The following DTNBP1 variants were observed in gnomAD, a reference collection of about 807,000 sequenced individuals.
DTNBP1 encodes the protein dystrobrevin binding protein 1, also known as dysbindin.
DTNBP1 carries 35 observed loss-of-function variants against 42.8 expected under a neutral mutation model. The ratio of observed to expected loss-of-function variants is 0.82; its 90% CI spans 0.63 to 1.09. The LOEUF (loss-of-function observed/expected upper bound fraction) is 1.09. Ranked by LOEUF, DTNBP1 falls within the 50% of genes least tolerant of loss-of-function variation. The probability of loss-of-function intolerance (pLI) is 0.00; values close to 1 mark genes in which losing one functional copy is unlikely to be tolerated. For missense variants in DTNBP1, 457 were observed against 424.2 expected (o/e 1.08, Z -0.68); for synonymous variants, 171 against 162.2 (o/e 1.05, Z -0.41).
In DTNBP1 at chr6:15,539,317, T is replaced by C. The variant is rs114312114; in HGVS notation, c.512-5922A>G. 4.2e-3 allele frequency among the ~76,000 whole-genome samples: 647 copies of C among 152,346 alleles called. 9 individuals carry two copies. Among genetic ancestry groups the C allele is most frequent in the African/African-American group, 0.015 (624 of 41,580 alleles). On this transcript the variant is annotated intron_variant, in intron 7 of 9. Transcript: ENST00000344537. ...CCATTTCCTGCTACCTCATCCCACA[T>C]GTGTTTACGTGAAGACGGTCTGCCA...
At chr6:15,624,097 T>C (rs1301949732) in intron 5 of DTNBP1, among the ~76,000 whole-genome samples, 1 of 152,244 alleles carries the variant, frequency 6.6e-6, no homozygotes, top group Non-Finnish European at 1.5e-5. Context: ...GCGTGGTGCG[T>C]GGCAGATGCC....
chr6:15,543,500 T>C (rs920878455), intron 7 of DTNBP1, among the ~76,000 whole-genome samples: 1 of 152,182 alleles, frequency 6.6e-6, no homozygotes, highest in African/African-American at 2.4e-5. Flanking sequence ...CTCCCTCAGG[T>C]TCCCCTTGCA....
Position 15,533,235 on chromosome 6 carries a change from C to A in DTNBP1, c.667+5G>T, listed in dbSNP as rs370724534. 1.9e-6 allele frequency: 3 copies of A among 1,613,462 alleles called. No homozygotes were observed. The highest frequency in any genetic ancestry group is 2.5e-6 in the Non-Finnish European group (3 of 1,180,030). On this transcript the variant is annotated splice_donor_5th_base_variant and intron_variant, in intron 8 of 9. Coordinates refer to ENST00000344537, the MANE Select transcript of DTNBP1 (RefSeq NM_032122.5). ...CCCACACCAGCAGCCCCAGCCCCCACTCGCCTCGCCGCTCTGCAATCTGCA... is the reference window on the plus strand; with the variant it reads ...CCCACACCAGCAGCCCCAGCCCCCAATCGCCTCGCCGCTCTGCAATCTGCA...
intron 7 of DTNBP1, among the ~76,000 whole-genome samples, chr6:15,554,213 CTT>C (rs1466485018): frequency 3.9e-5 from 6 of 152,248 alleles, no homozygotes; most frequent in South Asian, 4.1e-4. Context: ...TCACATAAAA[CTT>C]ATATTAAATT....
chr6:15,570,147 T>C (rs747299060), intron 7 of DTNBP1, among the ~76,000 whole-genome samples: 44 of 151,842 alleles, frequency 2.9e-4, no homozygotes, highest in Non-Finnish European at 2.1e-4. Context: ...CCAAATTCTA[T>C]GATTTACTTT....
At chr6:15,608,443 C>G (rs1020095493) in intron 6 of DTNBP1, among the ~76,000 whole-genome samples, 1 of 152,208 alleles carries the variant, frequency 6.6e-6, no homozygotes, top group African/African-American at 2.4e-5. Context: ...CTTGGAAACA[C>G]TACTTAGAAT....
chr6:15,642,791 G>A (rs914327041), intron 3 of DTNBP1, among the ~76,000 whole-genome samples: 5 of 152,038 alleles, frequency 3.3e-5, no homozygotes, highest in Middle Eastern at 3.2e-3. Context: ...ATATACCACA[G>A]CCATACCCTT....
chr6:15,612,572 C>G (rs1352099404), intron 6 of DTNBP1, among the ~76,000 whole-genome samples: 1 of 152,188 alleles, frequency 6.6e-6, no homozygotes, highest in African/African-American at 2.4e-5. Flanking sequence ...TATAGCTGCA[C>G]AAGTAATAAT....
intron 7 of DTNBP1, among the ~76,000 whole-genome samples, chr6:15,548,730 A>C (rs960379299): frequency 6.6e-6 from 1 of 152,212 alleles, no homozygotes; most frequent in African/African-American, 2.4e-5. Flanking sequence ...TCATATAAAG[A>C]AATTTTGACA....
intron 7 of DTNBP1, among the ~76,000 whole-genome samples, chr6:15,558,970 T>C (rs1426566603): frequency 6.6e-6 from 1 of 152,244 alleles, no homozygotes; most frequent in East Asian, 1.9e-4. Flanking sequence ...CTACTTGCTG[T>C]TTATCTTTAT....
At chr6:15,582,342 T>A (rs1010393196) in intron 7 of DTNBP1, among the ~76,000 whole-genome samples, 4 of 152,188 alleles carry the variant, frequency 2.6e-5, no homozygotes, top group African/African-American at 9.7e-5. Flanking sequence ...CTGGGTGACT[T>A]GTTTAACTCT....
At chr6:15,560,231 A>T (rs1178853867) in intron 7 of DTNBP1, among the ~76,000 whole-genome samples, 1 of 152,096 alleles carries the variant, frequency 6.6e-6, no homozygotes, top group Non-Finnish European at 1.5e-5. Context: ...GCGTGAACCC[A>T]GGAAGTGGAG....
chr6:15,623,009 CTG>C (rs1264969427), intron 5 of DTNBP1, among the ~76,000 whole-genome samples: 1 of 152,194 alleles, frequency 6.6e-6, no homozygotes, highest in Non-Finnish European at 1.5e-5. Flanking sequence ...GACCACAAGA[CTG>C]TTCAAATGCT....
At chr6:15,554,964 G>A (rs550300397) in intron 7 of DTNBP1, among the ~76,000 whole-genome samples, 1 of 151,966 alleles carries the variant, frequency 6.6e-6, no homozygotes, top group East Asian at 1.9e-4. Flanking sequence ...TGAAATCAGC[G>A]GTGGAGTCTT....
chr6:15,549,417 G>A (rs942479205), intron 7 of DTNBP1, among the ~76,000 whole-genome samples: 12 of 150,994 alleles, frequency 7.9e-5, no homozygotes, highest in African/African-American at 2.7e-4. Flanking sequence ...CCCAGGAGGC[G>A]GAGGCTGCAG....
rs749331509 is a variant in DTNBP1 at position 15,558,270 on chromosome 6, ACT to A, written c.512-24877_512-24876del. 7.6e-3 allele frequency among the ~76,000 whole-genome samples: 1,084 copies of A among 143,414 alleles called. 4 individuals are homozygous for A. The highest frequency in any genetic ancestry group is 0.012 in the Non-Finnish European group (797 of 66,456). 94.1% of individuals were successfully genotyped at this position (143,414 alleles called of 152,430 possible). The stretch of plus-strand genomic sequence containing the variant: ...AATCAACTATAAGATTCTGATGAGT[ACT>A]CTTTTTTTTTTTTTTTTGAGACGGA... On this transcript the variant is annotated intron_variant, in intron 7 of 9. Transcript: ENST00000344537.
intron 7 of DTNBP1, among the ~76,000 whole-genome samples, chr6:15,562,669 C>T (rs926658048): frequency 2.6e-5 from 4 of 152,056 alleles, no homozygotes; most frequent in African/African-American, 7.2e-5. Flanking sequence ...AGAAGTGTGC[C>T]GGGGAATGGA....
chr6:15,661,402 G>A (rs1462334471), intron 1 of DTNBP1, among the ~76,000 whole-genome samples: 5 of 152,130 alleles, frequency 3.3e-5, no homozygotes, highest in African/African-American at 1.2e-4. Context: ...GCACACGCCT[G>A]TAATCCCAGC....
At chr6:15,641,104 G>A (rs1054950439) in intron 3 of DTNBP1, among the ~76,000 whole-genome samples, 10 of 152,190 alleles carry the variant, frequency 6.6e-5, no homozygotes, top group Non-Finnish European at 8.8e-5. Context: ...AAAGGCCAGC[G>A]TCTGGTTTTG....
Sources: allele counts gnomAD v4.1 joint callset (sites outside exome capture counted in the v4.1 genomes callset), GRCh38; gene constraint gnomAD v4.1.1; transcripts MANE v1.5; gene names NCBI Gene and HGNC (gene_info 2026-07-23, HGNC 2026-07-21).